Variants in FSTL5 observed in about 807,000 individuals in gnomAD.
FSTL5 encodes follistatin like 5.
In FSTL5, 62 loss-of-function variants were observed where a neutral mutation model predicts 89.1. That is an observed-to-expected ratio of 0.70 (90% CI 0.57 to 0.86). FSTL5 has a LOEUF of 0.86. Ranked by LOEUF, FSTL5 falls within the 40% of genes least tolerant of loss-of-function variation. FSTL5 has a pLI of 0.00. For synonymous variants in FSTL5, 383 were observed against 346.2 expected (o/e 1.11, Z -1.18); for missense variants, 1,057 against 1,001.6 (o/e 1.06, Z -0.75).
intron 5 of FSTL5, among the ~76,000 whole-genome samples, chr4:161,762,508 C>T (rs1352787568): frequency 6.6e-6 from 1 of 152,112 alleles, no homozygotes; most frequent in Non-Finnish European, 1.5e-5. Flanking sequence ...CTGCCAGATT[C>T]ACTAAATATA....
At chr4:161,831,862 C>A (rs539128160) in intron 4 of FSTL5, among the ~76,000 whole-genome samples, 1 of 151,524 alleles carries the variant, frequency 6.6e-6, no homozygotes, top group African/African-American at 2.4e-5. Flanking sequence ...AAATTTCATT[C>A]TTAGGATTTT....
At position 162,066,349 on chromosome 4, in the gene FSTL5, TCTTCTCCTTCTTCTTCTTCTTCTC is replaced by T. The variant is rs1158928379; in HGVS notation, c.127-32715_127-32692del. Among the ~76,000 whole-genome samples, 101 of 129,088 alleles carry T rather than the reference TCTTCTCCTTCTTCTTCTTCTTCTC, an allele frequency of 7.8e-4. 2 individuals carry two copies. In the East Asian group the frequency reaches 0.014, roughly 18 times the overall value. The allele number at this position is 129,088 out of a possible 152,430, so 84.7% of individuals were successfully genotyped here. On this transcript the variant is annotated intron_variant, in intron 2 of 15. Coordinates refer to ENST00000306100, the MANE Select transcript of FSTL5 (RefSeq NM_020116.5). Reference sequence around the variant, plus strand: ...TTCTTCTTCTTCTTCTTCTTCTTCTTCTTCTCCTTCTTCTTCTTCTTCTCCTTCTTCTTCTTCTTCATTTTCCTT... The same window carrying T: ...TTCTTCTTCTTCTTCTTCTTCTTCTTCTTCTTCTTCTTCTTCATTTTCCTT...
At chr4:162,104,411 T>A (rs1731128962) in intron 2 of FSTL5, among the ~76,000 whole-genome samples, 1 of 152,246 alleles carries the variant, frequency 6.6e-6, no homozygotes, top group South Asian at 2.1e-4. Flanking sequence ...AGCCTCCGGC[T>A]ACCATCTTGG....
chr4:161,899,936 T>C (rs1733297743), intron 4 of FSTL5, among the ~76,000 whole-genome samples: 1 of 152,164 alleles, frequency 6.6e-6, no homozygotes, highest in Admixed American at 6.5e-5. Context: ...GGCTCACTCC[T>C]GTAATACCAG....
chr4:161,515,829 TATGTG>T, intron 10 of FSTL5, among the ~76,000 whole-genome samples: 1 of 151,338 alleles, frequency 6.6e-6, no homozygotes, highest in East Asian at 1.9e-4. Context: ...GGTGTGTGTC[TATGTG>T]ATTACTGTGA....
chr4:161,857,742 G>C (rs981033216), intron 4 of FSTL5, among the ~76,000 whole-genome samples: 3 of 152,140 alleles, frequency 2.0e-5, no homozygotes, highest in Non-Finnish European at 4.4e-5. Context: ...CTAGGACCTG[G>C]AAGACTATGG....
At chr4:161,718,567 T>C (rs1479614931) in intron 6 of FSTL5, among the ~76,000 whole-genome samples, 8 of 152,058 alleles carry the variant, frequency 5.3e-5, no homozygotes, top group African/African-American at 1.9e-4. Context: ...TAGCTGTGAC[T>C]ACAGGTGCGT....
chr4:161,415,800 A>G (rs1164895460), intron 15 of FSTL5, among the ~76,000 whole-genome samples: 8 of 126,394 alleles, frequency 6.3e-5, no homozygotes. Flanking sequence ...ATATACACAT[A>G]TATATATCAT....
chr4:161,944,662 A>T (rs72981150), intron 3 of FSTL5, among the ~76,000 whole-genome samples: 5,078 of 151,894 alleles, frequency 0.033, 269 homozygotes, highest in African/African-American at 0.11. Flanking sequence ...TAAACTCAAT[A>T]TCTTTATCAC....
chr4:161,454,657 T>C (rs1414629542), intron 15 of FSTL5, among the ~76,000 whole-genome samples: 1 of 152,242 alleles, frequency 6.6e-6, no homozygotes. Context: ...GAAGTGATTT[T>C]ATCTTTTAAA....
At chr4:161,669,951 T>C (rs1230826105) in intron 6 of FSTL5, among the ~76,000 whole-genome samples, 3 of 152,128 alleles carry the variant, frequency 2.0e-5, no homozygotes, top group African/African-American at 7.2e-5. Context: ...TGATGAGCAC[T>C]CTTTTACTTA....
chr4:161,820,544 TG>T (rs1730458076), intron 4 of FSTL5, among the ~76,000 whole-genome samples: 1 of 152,210 alleles, frequency 6.6e-6, no homozygotes, highest in African/African-American at 2.4e-5. Flanking sequence ...TATTTGTCAA[TG>T]TTTCTTATAG....
At chr4:162,120,537 A>T (rs17460441) in intron 1 of FSTL5, among the ~76,000 whole-genome samples, 2 of 151,986 alleles carry the variant, frequency 1.3e-5, no homozygotes, top group Non-Finnish European at 2.9e-5. Context: ...TAATATTTGA[A>T]GTAAATGAGA....
chr4:161,591,102 GA>G (rs1308599958), intron 7 of FSTL5, among the ~76,000 whole-genome samples: 1 of 152,128 alleles, frequency 6.6e-6, no homozygotes, highest in African/African-American at 2.4e-5. Flanking sequence ...CAATAAAAAG[GA>G]ATAAAGTACT....
In FSTL5 at chr4:161,441,760, T is replaced by C. The variant is rs183332023; in HGVS notation, c.1841+13244A>G. On this transcript the variant is annotated intron_variant, in intron 15 of 15. Coordinates refer to ENST00000306100, the MANE Select transcript of FSTL5 (RefSeq NM_020116.5). The stretch of plus-strand genomic sequence containing the variant: ...TGAATCATAAGTTTCCATCAAATCC[T>C]AAATGAAATAAAATGTTTCCCTTTG... Among the ~76,000 whole-genome samples, 3 of 152,228 alleles carry C rather than the reference T, an allele frequency of 2.0e-5. No individual in the cohort carries two copies. In the East Asian group the frequency reaches 5.8e-4, roughly 29 times the overall value.
chr4:161,834,338 C>T (rs12643117), intron 4 of FSTL5, among the ~76,000 whole-genome samples: 125,837 of 151,896 alleles, frequency 0.83, 52,198 homozygotes, highest in Non-Finnish European at 0.85. Context: ...AACCCACAGC[C>T]AATATCATAC....
chr4:161,644,343 G>A (rs529113512), intron 7 of FSTL5, among the ~76,000 whole-genome samples: 2 of 151,982 alleles, frequency 1.3e-5, no homozygotes, highest in Admixed American at 6.6e-5. Flanking sequence ...CCTGGCCAAT[G>A]TGGTGAAACT....
chr4:161,911,034 A>G (rs1377065861), intron 4 of FSTL5, among the ~76,000 whole-genome samples: 1 of 152,124 alleles, frequency 6.6e-6, no homozygotes, highest in Non-Finnish European at 1.5e-5. Context: ...TGTGAACTTC[A>G]AATCACAGTA....
At chr4:161,507,082 G>A (rs971987778) in intron 11 of FSTL5, among the ~76,000 whole-genome samples, 14 of 151,928 alleles carry the variant, frequency 9.2e-5, no homozygotes, top group Admixed American at 8.5e-4. Context: ...AGTAATTCAT[G>A]TGCCAATAAA....
Sources: allele counts gnomAD v4.1 joint callset (sites outside exome capture counted in the v4.1 genomes callset), GRCh38; gene constraint gnomAD v4.1.1; transcripts MANE v1.5; gene names NCBI Gene and HGNC (gene_info 2026-07-23, HGNC 2026-07-21).